The following IL1RAPL1 variants were observed in gnomAD, a reference collection of about 807,000 sequenced individuals.
IL1RAPL1 encodes interleukin 1 receptor accessory protein like 1.
IL1RAPL1 carries 3 observed loss-of-function variants against 48.4 expected under a neutral mutation model. The observed-to-expected ratio is 0.06, with a 90% confidence interval of 0.03 to 0.16. IL1RAPL1 has a LOEUF of 0.16. IL1RAPL1 is among the 10% of genes least tolerant of loss of function. The pLI, the probability that IL1RAPL1 is intolerant of heterozygous loss-of-function variation, is 1.00. For synonymous variants in IL1RAPL1, 185 were observed against 187.7 expected (o/e 0.99, Z 0.12); for missense variants, 349 against 530.6 (o/e 0.66, Z 3.36).
chrX:29,244,903 C>T (rs1477135232), intron 2 of IL1RAPL1, among the ~76,000 whole-genome samples: 1 of 110,694 alleles, frequency 9.0e-6, no homozygotes, highest in Non-Finnish European at 1.9e-5. Flanking sequence ...TTAGGTATTT[C>T]TCTTAATGCT....
chrX:29,229,238 A>C, intron 2 of IL1RAPL1, among the ~76,000 whole-genome samples: 1 of 111,611 alleles, frequency 9.0e-6, no homozygotes, highest in Middle Eastern at 4.6e-3. Flanking sequence ...TGAAACAAAA[A>C]ATTAGAAACC....
intron 5 of IL1RAPL1, among the ~76,000 whole-genome samples, chrX:29,658,854 G>A (rs1286703317): frequency 9.0e-6 from 1 of 111,570 alleles, no homozygotes; most frequent in Non-Finnish European, 1.9e-5. Context: ...TAGCTATTAT[G>A]ATATATGCAA....
At chrX:29,136,432 T>C (rs1345025241) in intron 2 of IL1RAPL1, among the ~76,000 whole-genome samples, 1 of 111,929 alleles carries the variant, frequency 8.9e-6, no homozygotes, top group Non-Finnish European at 1.9e-5. Context: ...CGGCTGCATT[T>C]GAACTCTTTA....
At chrX:29,861,001 A>G (rs1358604319) in intron 6 of IL1RAPL1, among the ~76,000 whole-genome samples, 1 of 112,543 alleles carries the variant, frequency 8.9e-6, no homozygotes, top group Non-Finnish European at 1.9e-5. Flanking sequence ...GTGGTTAAAG[A>G]TTAAAGCTTT....
At position 28,777,027 on chromosome X, in the gene IL1RAPL1, G is replaced by A. The variant is rs188134310; in HGVS notation, c.-24-12293G>A. On this transcript the variant is annotated intron_variant, in intron 1 of 10. Coordinates refer to ENST00000378993, the MANE Select transcript of IL1RAPL1 (RefSeq NM_014271.4). ...GCTGTAACAAAGTATCACAAACTTC[G>A]TGGCTCAAAACAACATAGATTTATT... 3.6e-5 allele frequency among the ~76,000 whole-genome samples: 4 copies of A among 111,902 alleles called. No homozygotes were observed. In the East Asian group the frequency reaches 8.4e-4, roughly 23 times the overall value.
intron 2 of IL1RAPL1, among the ~76,000 whole-genome samples, chrX:29,140,385 G>C (rs1018156746): frequency 8.9e-6 from 1 of 111,918 alleles, no homozygotes; most frequent in Non-Finnish European, 1.9e-5. Context: ...GATGATACCA[G>C]GAAGAAGCAA....
rs192683163 is a variant in IL1RAPL1 at position 28,706,697 on chromosome X, A to G, written c.-24-82623A>G. On this transcript the variant is annotated intron_variant, in intron 1 of 10. Transcript: ENST00000378993. ...TGAAAGTGCTGGGATTACAGGCGTG[A>G]ACCACTGTACCCAGCCATTAGGACA... 2.3e-3 allele frequency among the ~76,000 whole-genome samples: 259 copies of G among 111,990 alleles called. 1 individual carries two copies. Among genetic ancestry groups the G allele is most frequent in the African/African-American group, 8.2e-3 (254 of 30,852 alleles).
chrX:29,201,004 A>G (rs1930544083), intron 2 of IL1RAPL1, among the ~76,000 whole-genome samples: 1 of 110,575 alleles, frequency 9.0e-6, no homozygotes, highest in Admixed American at 9.7e-5. Context: ...GATAGGCTCC[A>G]GTGTGTGTTG....
intron 2 of IL1RAPL1, among the ~76,000 whole-genome samples, chrX:28,962,389 T>C (rs1202258977): frequency 8.9e-6 from 1 of 111,782 alleles, no homozygotes; most frequent in African/African-American, 3.2e-5. Context: ...ACCACTGTGG[T>C]TTCAGATAAT....
intron 1 of IL1RAPL1, among the ~76,000 whole-genome samples, chrX:28,694,245 A>G (rs759458270): frequency 1.8e-5 from 2 of 111,992 alleles, no homozygotes; most frequent in Non-Finnish European, 3.8e-5. Flanking sequence ...CCTGCAGTGT[A>G]TGTTTATATT....
intron 1 of IL1RAPL1, among the ~76,000 whole-genome samples, chrX:28,646,188 T>C (rs1020820827): frequency 1.8e-5 from 2 of 111,938 alleles, no homozygotes; most frequent in Non-Finnish European, 3.8e-5. Flanking sequence ...CAGGCGTTAG[T>C]TGGATTCTCG....
intron 2 of IL1RAPL1, among the ~76,000 whole-genome samples, chrX:29,080,995 T>TCC (rs1927810982): frequency 2.8e-5 from 1 of 35,123 alleles, no homozygotes; most frequent in African/African-American, 1.3e-4. Flanking sequence ...TTTCTTTCTT[T>TCC]CTCTCTCTCT....
chrX:29,269,125 G>A (rs1932001124), intron 2 of IL1RAPL1, among the ~76,000 whole-genome samples: 1 of 112,066 alleles, frequency 8.9e-6, no homozygotes, highest in South Asian at 3.7e-4. Context: ...CACTCACTGA[G>A]AATTTAAACT....
At chrX:29,405,452 C>T (rs1234280974) in intron 5 of IL1RAPL1, among the ~76,000 whole-genome samples, 2 of 96,658 alleles carry the variant, frequency 2.1e-5, no homozygotes, top group Non-Finnish European at 3.9e-5. Flanking sequence ...CTGCAAGCTC[C>T]GCCTCCCGGG....
At chrX:29,579,488 C>T (rs1471926851) in intron 5 of IL1RAPL1, among the ~76,000 whole-genome samples, 6 of 111,699 alleles carry the variant, frequency 5.4e-5, no homozygotes, top group South Asian at 7.4e-4. Context: ...CAAAGTAGCA[C>T]GGAGGCTTAC....
At chrX:29,303,028 G>A (rs750216114) in intron 3 of IL1RAPL1, among the ~76,000 whole-genome samples, 29 of 112,226 alleles carry the variant, frequency 2.6e-4, no homozygotes, top group Non-Finnish European at 3.0e-4. Context: ...CTCCCTACCT[G>A]TTCCTGATTG....
chrX:29,363,357 A>G (rs1933402123), intron 3 of IL1RAPL1, among the ~76,000 whole-genome samples: 1 of 111,663 alleles, frequency 9.0e-6, no homozygotes. Context: ...ATCCCCTGTC[A>G]TATCTATTTT....
chrX:29,588,290 A>T (rs749112721), intron 5 of IL1RAPL1, among the ~76,000 whole-genome samples: 1 of 112,346 alleles, frequency 8.9e-6, no homozygotes, highest in Non-Finnish European at 1.9e-5. Context: ...CTGTTGCCCT[A>T]TGAATTTATG....
intron 5 of IL1RAPL1, among the ~76,000 whole-genome samples, chrX:29,403,213 T>A (rs1934016316): frequency 8.9e-6 from 1 of 112,457 alleles, no homozygotes; most frequent in African/African-American, 3.2e-5. Flanking sequence ...CAGTTTGGAC[T>A]TAACAGTTAT....
Sources: gnomAD v4.1 joint callset for allele counts (sites outside exome capture counted in the v4.1 genomes callset) on GRCh38, gnomAD v4.1.1 for gene constraint, MANE v1.5 for transcripts, NCBI Gene and HGNC (gene_info 2026-07-23, HGNC 2026-07-21) for gene names.